The following TENM2 variants were observed in gnomAD, a reference collection of about 807,000 sequenced individuals.
TENM2 encodes teneurin-2.
A neutral mutation model predicts 245.2 loss-of-function variants in TENM2; 52 were observed. The observed-to-expected ratio is 0.21, with a 90% CI of 0.17 to 0.27. The LOEUF (loss-of-function observed/expected upper bound fraction) is 0.27. Among genes scored for constraint, TENM2 ranks in the 10% least tolerant of loss-of-function variants. The pLI is 1.00. For synonymous variants in TENM2, 1,363 were observed against 1,438.9 expected (o/e 0.95, Z 1.19); for missense variants, 3,046 against 3,666.8 (o/e 0.83, Z 4.37).
At chr5:167,462,759 G>C (rs1766398593) in intron 2 of TENM2, among the ~76,000 whole-genome samples, 1 of 151,776 alleles carries the variant, frequency 6.6e-6, no homozygotes, top group Non-Finnish European at 1.5e-5. Flanking sequence ...GGTTTATATG[G>C]GTACAGGGAC....
At chr5:167,606,498 A>T (rs968004233) in intron 2 of TENM2, among the ~76,000 whole-genome samples, 7 of 152,092 alleles carry the variant, frequency 4.6e-5, no homozygotes, top group Non-Finnish European at 8.8e-5. Flanking sequence ...TCATGACCTC[A>T]TCTAAACCTG....
At chr5:167,210,608 C>T in the TENM2 span, among the ~76,000 whole-genome samples, 12 of 151,498 alleles carry the variant, frequency 7.9e-5, no homozygotes, top group African/African-American at 9.7e-5. Context: ...GGACTACAGG[C>T]GCCCGCCACC....
chr5:168,228,993 ATATATAATACAT>A (rs1442680767), intron 25 of TENM2, among the ~76,000 whole-genome samples: 2 of 147,900 alleles, frequency 1.4e-5, no homozygotes, highest in Non-Finnish European at 3.0e-5. Flanking sequence ...CATAATATAC[ATATATAATACAT>A]TATATGTATA....
At chr5:167,589,094 T>G (rs1005751106) in intron 2 of TENM2, among the ~76,000 whole-genome samples, 7 of 151,528 alleles carry the variant, frequency 4.6e-5, no homozygotes, top group Non-Finnish European at 8.8e-5. Context: ...CCCAGCTACT[T>G]GGGATGCTGA....
chr5:168,138,000 C>T lies in TENM2; in HGVS notation c.2422+11034C>T, dbSNP rs963440248. Among the ~76,000 whole-genome samples, 3 of 152,076 alleles carry T rather than the reference C, an allele frequency of 2.0e-5. No homozygotes were observed. In the East Asian group the frequency reaches 5.8e-4, roughly 30 times the overall value. ...TAAAATGCATAATACACAACAAAAC[C>T]CACTCCAAACTCTCAATCATCTCCC... On this transcript the variant is annotated intron_variant, in intron 12 of 28. Coordinates refer to ENST00000518659, the Ensembl canonical transcript of TENM2.
intron 9 of TENM2, among the ~76,000 whole-genome samples, chr5:168,104,093 A>G (rs1324292587): frequency 2.0e-5 from 3 of 152,032 alleles, no homozygotes; most frequent in African/African-American, 7.2e-5. Context: ...CAGTGGTGCA[A>G]TCTCAGCTCA....
chr5:167,583,473 T>TACACACACAC (rs10682735), intron 2 of TENM2, among the ~76,000 whole-genome samples: 9,830 of 137,342 alleles, frequency 0.072, 360 homozygotes, highest in Non-Finnish European at 0.078. Flanking sequence ...TGAGTATATG[T>TACACACACAC]ACACACACAC....
intron 3 of TENM2, among the ~76,000 whole-genome samples, chr5:167,949,845 C>T (rs2151825719): frequency 6.6e-6 from 1 of 152,272 alleles, no homozygotes; most frequent in African/African-American, 2.4e-5. Context: ...CCTTCTGTCT[C>T]CTGCACCTCG....
At chr5:167,104,472 A>G in the TENM2 span, among the ~76,000 whole-genome samples, 1 of 152,238 alleles carries the variant, frequency 6.6e-6, no homozygotes, top group Non-Finnish European at 1.5e-5. Flanking sequence ...TGGAAAGGAC[A>G]CACAATAATT....
At chr5:167,286,059 T>A (rs1771328301) in intron 1 of TENM2, among the ~76,000 whole-genome samples, 1 of 152,248 alleles carries the variant, frequency 6.6e-6, no homozygotes, top group South Asian at 2.1e-4. Flanking sequence ...AAAATGTGCA[T>A]GTGTGTATAT....
chr5:167,285,471 G>T (rs763387842), intron 1 of TENM2, among the ~76,000 whole-genome samples: 2 of 152,106 alleles, frequency 1.3e-5, no homozygotes, highest in East Asian at 1.9e-4. Flanking sequence ...CAGAGCATGG[G>T]TGGCCACATG....
At position 167,797,488 on chromosome 5, in the gene TENM2, A is replaced by G. The variant is rs538806548; in HGVS notation, c.503-78498A>G. ...TTATGGACTAATTTGAAACTGGAAGATAGATGCTCATTTTCCTATGGTAGC... is the reference window on the plus strand; with the variant it reads ...TTATGGACTAATTTGAAACTGGAAGGTAGATGCTCATTTTCCTATGGTAGC... On this transcript the variant is annotated intron_variant, in intron 2 of 28. Coordinates refer to ENST00000518659, the Ensembl canonical transcript of TENM2. Among the ~76,000 whole-genome samples the G allele has an allele frequency of 2.2e-3, 330 of 152,310 alleles. 1 individual carries two copies. The highest frequency in any genetic ancestry group is 2.9e-3 in the Non-Finnish European group (199 of 68,026).
At chr5:168,213,078 G>A (rs1581649144) in intron 20 of TENM2, among the ~76,000 whole-genome samples, 2 of 152,314 alleles carry the variant, frequency 1.3e-5, no homozygotes, top group East Asian at 1.9e-4. Context: ...CAGTAACAGA[G>A]TGCAGCATCT....
intron 2 of TENM2, among the ~76,000 whole-genome samples, chr5:167,543,011 A>C (rs1035589854): frequency 5.3e-5 from 8 of 152,186 alleles, no homozygotes; most frequent in African/African-American, 1.9e-4. Flanking sequence ...GACCAGCACA[A>C]TCAGTATCAC....
intron 5 of TENM2, among the ~76,000 whole-genome samples, chr5:167,998,020 A>G (rs1332453089): frequency 6.6e-6 from 1 of 152,262 alleles, no homozygotes; most frequent in Non-Finnish European, 1.5e-5. Flanking sequence ...CAAAAAGTAG[A>G]AAAAGCAAGT....
the TENM2 span, among the ~76,000 whole-genome samples, chr5:167,061,871 T>C: frequency 6.6e-6 from 1 of 150,868 alleles, no homozygotes; most frequent in Admixed American, 6.7e-5. Flanking sequence ...GAGTGTATCA[T>C]TATCTCGTAG....
At position 167,416,179 on chromosome 5, in the gene TENM2, A is replaced by G. The variant is rs947025461; in HGVS notation, c.502+40706A>G. 2.0e-5 allele frequency among the ~76,000 whole-genome samples: 3 copies of G among 152,156 alleles called. No homozygotes were observed. In the East Asian group the frequency reaches 5.8e-4, roughly 29 times the overall value. On this transcript the variant is annotated intron_variant, in intron 2 of 28. Transcript: ENST00000518659. ...TCACTTCTTAGCCATTGGCATTTGG[A>G]TGATTTTCAGGGAATAAGCCAGTGT...
At chr5:167,181,847 A>T in the TENM2 span, among the ~76,000 whole-genome samples, 1 of 152,144 alleles carries the variant, frequency 6.6e-6, no homozygotes. Context: ...TAAGAAATCC[A>T]CATATTACAT....
At chr5:168,171,313 T>C (rs1422484195) in intron 13 of TENM2, among the ~76,000 whole-genome samples, 5 of 152,262 alleles carry the variant, frequency 3.3e-5, no homozygotes, top group Non-Finnish European at 4.4e-5. Flanking sequence ...ATTATACAGA[T>C]AAGGATACAA....
Sources: allele counts gnomAD v4.1 joint callset (sites outside exome capture counted in the v4.1 genomes callset), GRCh38; gene constraint gnomAD v4.1.1; transcripts MANE v1.5; gene names NCBI Gene and HGNC (gene_info 2026-07-23, HGNC 2026-07-21).